The following MAD1L1 variants were observed in gnomAD, a reference collection of about 807,000 sequenced individuals.
MAD1L1 encodes the protein mitotic spindle assembly checkpoint protein MAD1.
Under a neutral mutation model 96.9 loss-of-function variants are expected in MAD1L1, and 95 were observed. That is an observed-to-expected ratio of 0.98 (90% confidence interval 0.83 to 1.16). MAD1L1 has a LOEUF of 1.16. MAD1L1 is among the 50% of genes most tolerant of loss of function. The pLI is 0.00. For synonymous variants in MAD1L1, 473 were observed against 396.6 expected, an observed-to-expected ratio of 1.19 and a Z score of -2.29; for missense variants, 1,007 against 954.4, an observed-to-expected ratio of 1.06 and a Z score of -0.73.
chr7:1,967,426 G>A (rs1006705587), intron 15 of MAD1L1, among the ~76,000 whole-genome samples: 1 of 152,332 alleles, frequency 6.6e-6, no homozygotes, highest in South Asian at 2.1e-4. Flanking sequence ...TTTAGAAACT[G>A]ACCCGATGAC....
At chr7:1,858,066 C>A (rs772259137) in intron 18 of MAD1L1, among the ~76,000 whole-genome samples, 1 of 152,258 alleles carries the variant, frequency 6.6e-6, no homozygotes, top group Non-Finnish European at 1.5e-5. Context: ...GGAAAATGCA[C>A]GTTTCCATGT....
chr7:2,137,363 T>G (rs576684724), intron 11 of MAD1L1, among the ~76,000 whole-genome samples: 3 of 152,356 alleles, frequency 2.0e-5, no homozygotes, highest in African/African-American at 7.2e-5. Context: ...CCAAGCACCC[T>G]CTTCTCAAAC....
At chr7:2,141,239 T>C (rs889463924) in intron 11 of MAD1L1, among the ~76,000 whole-genome samples, 1 of 152,218 alleles carries the variant, frequency 6.6e-6, no homozygotes, top group Admixed American at 6.5e-5. Context: ...GGCCACGCAG[T>C]GCCCCACTGC....
chr7:1,822,037 A>G (rs2128620878), intron 18 of MAD1L1, among the ~76,000 whole-genome samples: 1 of 151,894 alleles, frequency 6.6e-6, no homozygotes, highest in South Asian at 2.1e-4. Flanking sequence ...TCTGCAGAAA[A>G]CTCCTAGAAT....
chr7:2,137,611 C>T (rs1788816963), intron 11 of MAD1L1, among the ~76,000 whole-genome samples: 1 of 152,324 alleles, frequency 6.6e-6, no homozygotes, highest in South Asian at 2.1e-4. Context: ...GCACGTGCCA[C>T]CTCTAGCCCC....
chr7:2,016,729 G>A (rs902983204), intron 12 of MAD1L1, among the ~76,000 whole-genome samples: 2 of 152,264 alleles, frequency 1.3e-5, no homozygotes, highest in African/African-American at 4.8e-5. Context: ...CCCTGGTGTG[G>A]ACTTCATAAT....
intron 15 of MAD1L1, among the ~76,000 whole-genome samples, chr7:1,963,662 T>G (rs1425901694): frequency 6.6e-6 from 1 of 152,334 alleles, no homozygotes; most frequent in South Asian, 2.1e-4. Flanking sequence ...CTGCAGGACA[T>G]GCTTCCGGAG....
chr7:1,859,606 A>T (rs1276352631), intron 18 of MAD1L1, among the ~76,000 whole-genome samples: 1 of 152,184 alleles, frequency 6.6e-6, no homozygotes, highest in Non-Finnish European at 1.5e-5. Flanking sequence ...CTTGCCAGCA[A>T]GGAGTGGATG....
At chr7:1,832,804 G>C (rs984731138) in intron 18 of MAD1L1, among the ~76,000 whole-genome samples, 10 of 151,032 alleles carry the variant, frequency 6.6e-5, no homozygotes, top group African/African-American at 2.2e-4. Context: ...GCTAATTTTT[G>C]TGTTTGTAGT....
chr7:2,228,969 A>G (rs1016410152), intron 3 of MAD1L1, among the ~76,000 whole-genome samples: 2 of 150,942 alleles, frequency 1.3e-5, no homozygotes, highest in East Asian at 4.0e-4. Flanking sequence ...TCCTGACCTC[A>G]TGATCCGCCC....
intron 18 of MAD1L1, among the ~76,000 whole-genome samples, chr7:1,850,721 C>T (rs111620862): frequency 0.062 from 9,415 of 152,214 alleles, 925 homozygotes; most frequent in African/African-American, 0.21. Flanking sequence ...GATCAGGCAC[C>T]GCACTATCCA....
intron 12 of MAD1L1, among the ~76,000 whole-genome samples, chr7:2,063,347 G>A (rs908969093): frequency 1.3e-5 from 2 of 152,226 alleles, no homozygotes; most frequent in East Asian, 1.9e-4. Flanking sequence ...CGGATCCCAG[G>A]ACTTAAACAG....
At chr7:1,942,884 C>T (rs980925658) in intron 16 of MAD1L1, among the ~76,000 whole-genome samples, 50 of 152,182 alleles carry the variant, frequency 3.3e-4, no homozygotes, top group African/African-American at 1.2e-3. Context: ...TCAAAACTTA[C>T]TACAAAGCCA....
At chr7:1,965,338 G>A (rs1349604661) in intron 15 of MAD1L1, among the ~76,000 whole-genome samples, 1 of 152,230 alleles carries the variant, frequency 6.6e-6, no homozygotes, top group African/African-American at 2.4e-5. Flanking sequence ...AGACATGGCA[G>A]TGTGACGGGT....
chr7:2,126,748 C>T (rs1190592533), intron 11 of MAD1L1, among the ~76,000 whole-genome samples: 2 of 152,294 alleles, frequency 1.3e-5, no homozygotes, highest in South Asian at 4.1e-4. Flanking sequence ...AGAGTGACCG[C>T]TGGGCAGCTT....
intron 2 of MAD1L1, 169 bp downstream of exon 2, chr7:2,230,380 A>G: frequency 2.2e-6 from 1 of 448,268 alleles, no homozygotes; most frequent in Non-Finnish European, 4.1e-6. Flanking sequence ...CCACCAATTG[A>G]GTCTCAGTTG....
intron 14 of MAD1L1, among the ~76,000 whole-genome samples, chr7:1,993,416 G>GA (rs1160325538): frequency 5.3e-5 from 8 of 152,178 alleles, no homozygotes; most frequent in Admixed American, 4.6e-4. Flanking sequence ...AAGTTTACCG[G>GA]AAAAAACATT....
At chr7:1,877,218 C>G (rs775493081) in intron 18 of MAD1L1, among the ~76,000 whole-genome samples, 1 of 152,038 alleles carries the variant, frequency 6.6e-6, no homozygotes, top group African/African-American at 2.4e-5. Context: ...TCTGGCCCAC[C>G]GCCCGCTTTT....
chr7:1,866,606 G>T (rs577565003), intron 18 of MAD1L1, among the ~76,000 whole-genome samples: 3 of 152,212 alleles, frequency 2.0e-5, no homozygotes, highest in African/African-American at 7.2e-5. Flanking sequence ...AGACGCCACG[G>T]GAGGCTGCGG....
Sources: allele counts gnomAD v4.1 joint callset (sites outside exome capture counted in the v4.1 genomes callset), GRCh38; gene constraint gnomAD v4.1.1; transcripts MANE v1.5; gene names NCBI Gene and HGNC (gene_info 2026-07-23, HGNC 2026-07-21).